Variants in SH3RF3 observed in about 807,000 individuals in gnomAD.
The protein encoded by SH3RF3 is SH3 domain containing ring finger 3, also known as E3 ubiquitin-protein ligase SH3RF3.
SH3RF3 carries 29 observed loss-of-function variants against 66.3 expected under a neutral mutation model. That is an observed-to-expected ratio of 0.44 (90% CI 0.33 to 0.60). The LOEUF is 0.60. Ranked by LOEUF, SH3RF3 falls within the 20% of genes least tolerant of loss-of-function variation. The probability of loss-of-function intolerance (pLI) is 0.04; values close to 1 mark genes in which losing one functional copy is unlikely to be tolerated. For synonymous variants in SH3RF3, 583 were observed against 532.0 expected (o/e 1.10, Z -1.32); for missense variants, 1,194 against 1,190.9 (o/e 1.00, Z -0.04).
rs1679417722 is a variant in SH3RF3 at position 109,502,565 on chromosome 2, G to A, written c.*894G>A. On this transcript the variant is annotated 3_prime_UTR_variant, in exon 10 of 10. Transcript: ENST00000309415. The stretch of plus-strand genomic sequence containing the variant: ...CTCAGCGCTGGCCAGTACTCTGGGG[G>A]CTGGCGGGGTGGATCCATTGAGGGG... 6.6e-6 allele frequency: 1 copy of A among 152,184 alleles called. No individual in the cohort carries two copies. The highest frequency in any genetic ancestry group is 1.9e-4 in the East Asian group (1 of 5,186). The allele number at this position is 152,184 out of a possible 1,614,324, so 9.4% of individuals were successfully genotyped here.
intron 2 of SH3RF3, among the ~76,000 whole-genome samples, chr2:109,350,623 G>T (rs560664140): frequency 2.6e-5 from 4 of 152,286 alleles, no homozygotes; most frequent in African/African-American, 9.6e-5. Context: ...AAGAGACATG[G>T]GCAACTCCAT....
At position 109,502,203 on chromosome 2, in the gene SH3RF3, C is replaced by T. The variant is rs368082244; in HGVS notation, c.*532C>T. The T allele has an allele frequency of 6.7e-6, 1 of 149,460 alleles. No individual in the cohort carries two copies. Among genetic ancestry groups the T allele is most frequent in the Non-Finnish European group, 1.5e-5 (1 of 67,532 alleles). 9.3% of individuals were successfully genotyped at this position (149,460 alleles called of 1,614,324 possible). On this transcript the variant is annotated 3_prime_UTR_variant, in exon 10 of 10. Coordinates refer to ENST00000309415, the MANE Select transcript of SH3RF3 (RefSeq NM_001099289.3). ...TGTTTGTGAGGCCCTGGGGGTGCCC[C>T]GGAAGGGGCACCCCACCGCCCCTGT...
At chr2:109,478,988 G>A (rs1678761995) in intron 8 of SH3RF3, among the ~76,000 whole-genome samples, 1 of 152,314 alleles carries the variant, frequency 6.6e-6, no homozygotes, top group Admixed American at 6.5e-5. Context: ...TGCAGGTTTC[G>A]AGATTTGCTG....
intron 2 of SH3RF3, among the ~76,000 whole-genome samples, chr2:109,360,759 G>A (rs1683036689): frequency 6.6e-6 from 1 of 152,210 alleles, no homozygotes; most frequent in South Asian, 2.1e-4. Context: ...CATGTCATCT[G>A]TAAACAAAGG....
chr2:109,288,374 A>G (rs748032754), intron 1 of SH3RF3, among the ~76,000 whole-genome samples: 1 of 152,226 alleles, frequency 6.6e-6, no homozygotes, highest in Admixed American at 6.5e-5. Flanking sequence ...ACTCAGAGGT[A>G]TTCTCATCTA....
At chr2:109,183,841 A>T (rs1376580516) in intron 1 of SH3RF3, among the ~76,000 whole-genome samples, 2 of 152,164 alleles carry the variant, frequency 1.3e-5, no homozygotes, top group Non-Finnish European at 2.9e-5. Context: ...CTGCCAGGCC[A>T]CTGTGTTGTC....
intron 1 of SH3RF3, among the ~76,000 whole-genome samples, chr2:109,304,530 A>G (rs1243531821): frequency 6.6e-6 from 1 of 152,064 alleles, no homozygotes; most frequent in African/African-American, 2.4e-5. Context: ...GGTGTCAGTG[A>G]TGTTGGCTCT....
chr2:109,185,037 A>AT (rs1221595866), intron 1 of SH3RF3, among the ~76,000 whole-genome samples: 6 of 152,232 alleles, frequency 3.9e-5, no homozygotes, highest in African/African-American at 1.2e-4. Flanking sequence ...GAACCTGCTT[A>AT]TTATCTGTTT....
chr2:109,296,310 C>T (rs1045292263), intron 1 of SH3RF3, among the ~76,000 whole-genome samples: 1 of 152,060 alleles, frequency 6.6e-6, no homozygotes, highest in African/African-American at 2.4e-5. Context: ...TCACTGCAAC[C>T]CCTGCCTCCC....
chr2:109,297,140 G>A (rs1246099682), intron 1 of SH3RF3, among the ~76,000 whole-genome samples: 2 of 152,002 alleles, frequency 1.3e-5, no homozygotes, highest in African/African-American at 4.8e-5. Flanking sequence ...AAGCTGTGGG[G>A]GCAGTGAGCT....
rs1679054900 is a variant in SH3RF3, at chr2:109,214,104, C to T, written c.573+83991C>T. Among the ~76,000 whole-genome samples the T allele has an allele frequency of 2.0e-5, 3 of 152,118 alleles. No homozygotes were observed. The South Asian group carries it at 6.2e-4, about 32-fold the overall frequency. On this transcript the variant is annotated intron_variant, in intron 1 of 9. Coordinates refer to ENST00000309415, the MANE Select transcript of SH3RF3 (RefSeq NM_001099289.3). ...GGCGAGGAGGAAGGGGTGTTTCTGC[C>T]AATTGTCTTGGGTGTGCCGGGTGCC...
chr2:109,324,998 G>C (rs764933124), intron 1 of SH3RF3, among the ~76,000 whole-genome samples: 1 of 152,116 alleles, frequency 6.6e-6, no homozygotes, highest in African/African-American at 2.4e-5. Flanking sequence ...AGTTTGTTCT[G>C]GGAGAGGCCT....
chr2:109,493,802 A>G (rs1679189109), intron 9 of SH3RF3, among the ~76,000 whole-genome samples: 1 of 152,118 alleles, frequency 6.6e-6, no homozygotes, highest in Non-Finnish European at 1.5e-5. Context: ...CACATAACAC[A>G]CAGATACACA....
At chr2:109,347,386 C>T (rs1682734390) in intron 1 of SH3RF3, among the ~76,000 whole-genome samples, 1 of 152,112 alleles carries the variant, frequency 6.6e-6, no homozygotes, top group Non-Finnish European at 1.5e-5. Context: ...GCACCTACTT[C>T]AGAGTCCTTT....
intron 1 of SH3RF3, among the ~76,000 whole-genome samples, chr2:109,234,181 C>T (rs1171250265): frequency 6.6e-6 from 1 of 152,120 alleles, no homozygotes; most frequent in African/African-American, 2.4e-5. Flanking sequence ...GTATTTTAAT[C>T]AATAATAGGC....
At chr2:109,407,133 G>A (rs1315852036) in intron 4 of SH3RF3, among the ~76,000 whole-genome samples, 1 of 152,210 alleles carries the variant, frequency 6.6e-6, no homozygotes, top group East Asian at 1.9e-4. Context: ...CCAGAGTGTG[G>A]TCAGATGCAG....
intron 3 of SH3RF3, among the ~76,000 whole-genome samples, chr2:109,373,169 G>C (rs548420674): frequency 6.6e-6 from 1 of 152,250 alleles, no homozygotes; most frequent in South Asian, 2.1e-4. Context: ...TCAACACTTC[G>C]CAAGTTTCCA....
At chr2:109,240,964 A>G (rs1351595548) in intron 1 of SH3RF3, among the ~76,000 whole-genome samples, 1 of 151,358 alleles carries the variant, frequency 6.6e-6, no homozygotes, top group East Asian at 1.9e-4. Context: ...TATAATCCAC[A>G]TCCAAACAAG....
chr2:109,358,951 C>CTAT (rs1683003574), intron 2 of SH3RF3, among the ~76,000 whole-genome samples: 1 of 152,120 alleles, frequency 6.6e-6, no homozygotes. Context: ...ATATTGAGTT[C>CTAT]ATTTTTGTGA....
Sources: allele counts gnomAD v4.1 joint callset (sites outside exome capture counted in the v4.1 genomes callset), GRCh38; gene constraint gnomAD v4.1.1; transcripts MANE v1.5; gene names NCBI Gene and HGNC (gene_info 2026-07-23, HGNC 2026-07-21).